EFCAB13: variants seen among roughly 807,000 people sequenced by gnomAD.
EFCAB13 encodes the protein EF-hand calcium-binding domain-containing protein 13.
Under a neutral mutation model 110.2 loss-of-function variants are expected in EFCAB13, and 91 were observed. The observed-to-expected ratio is 0.83, with a 90% CI of 0.70 to 0.98. The LOEUF (loss-of-function observed/expected upper bound fraction) is 0.98. Among genes scored for constraint, EFCAB13 ranks in the 50% least tolerant of loss-of-function variants. EFCAB13 has a pLI of 0.00. For missense variants in EFCAB13, 968 were observed against 1,119.4 expected, an observed-to-expected ratio of 0.86 and a Z score of 1.93; for synonymous variants, 323 against 369.9, an observed-to-expected ratio of 0.87 and a Z score of 1.45.
chr17:47,423,672 C>A, intron 23 of EFCAB13: 1 of 446,782 alleles, frequency 2.2e-6, no homozygotes, highest in Non-Finnish European at 3.6e-6. Flanking sequence ...CGCGCGGGGT[C>A]CGCACGACGT....
At chr17:47,432,020 C>G (rs962910229) in intron 24 of EFCAB13, among the ~76,000 whole-genome samples, 1 of 152,132 alleles carries the variant, frequency 6.6e-6, no homozygotes, top group Non-Finnish European at 1.5e-5. Flanking sequence ...CTTTGGAAGG[C>G]TGAGGCAGGC....
chr17:47,412,983 G>A lies in EFCAB13; in HGVS notation c.2422+67G>A, dbSNP rs1041300028. ...TACTTATGAAAAATAGTCTTAGAGT[G>A]TACCTATAAGGATAAGATGCTAATG... On this transcript the variant is annotated intron_variant, in intron 22 of 24. Transcript: ENST00000331493. 2.7e-6 allele frequency: 4 copies of A among 1,500,352 alleles called. No homozygotes were observed. In the South Asian group the frequency reaches 4.0e-5, roughly 15 times the overall value. The allele number at this position is 1,500,352 out of a possible 1,614,324, so 92.9% of individuals were successfully genotyped here. A position where few individuals can be genotyped will look rare whatever the true frequency, so the allele number is the denominator to read the frequency against.
At position 47,361,397 on chromosome 17, in the gene EFCAB13, G is replaced by A. The variant is rs1358165580; in HGVS notation, c.681G>A (p.Lys227=). The change falls in exon 10 of 25, where the codon AAG becomes AAA. Residue 227 remains lysine, a synonymous_variant. Transcript: ENST00000331493. ...VDIDAFQDAL[K]IFCRIKGGRV... ...TTGCAGCATTCCAGGATGCCTTGAAGATTTTCTGTAGGATAAAAGGTGGTC... is the reference window on the plus strand; with the variant it reads ...TTGCAGCATTCCAGGATGCCTTGAAAATTTTCTGTAGGATAAAAGGTGGTC... The A allele has an allele frequency of 1.2e-6, 2 of 1,613,252 alleles. No individual in the cohort carries two copies. Among genetic ancestry groups the A allele is most frequent in the Non-Finnish European group, 1.7e-6 (2 of 1,179,568 alleles).
intron 5 of EFCAB13, among the ~76,000 whole-genome samples, chr17:47,336,788 G>C (rs2065353956): frequency 6.6e-6 from 1 of 151,768 alleles, no homozygotes; most frequent in Non-Finnish European, 1.5e-5. Context: ...GCATTGCCTG[G>C]TTGCCTTTTG....
intron 22 of EFCAB13, 124 bp from the exon 23 acceptor site, chr17:47,414,724 T>C: frequency 1.5e-6 from 1 of 676,422 alleles, no homozygotes; most frequent in South Asian, 1.7e-5. Flanking sequence ...ATAGTTTCAA[T>C]CATTTGAGAC....
At chr17:47,394,338 G>A (rs1469624590) in intron 16 of EFCAB13, among the ~76,000 whole-genome samples, 2 of 152,082 alleles carry the variant, frequency 1.3e-5, no homozygotes, top group South Asian at 2.1e-4. Flanking sequence ...TTTTTCATTA[G>A]CGCACTTATA....
intron 11 of EFCAB13, among the ~76,000 whole-genome samples, chr17:47,373,410 G>T (rs1422725824): frequency 6.6e-6 from 1 of 151,998 alleles, no homozygotes; most frequent in Non-Finnish European, 1.5e-5. Context: ...TTTGAATTCT[G>T]TCAGGAAGTT....
intron 14 of EFCAB13, among the ~76,000 whole-genome samples, chr17:47,380,880 CTTT>C (rs751480738): frequency 1.7e-4 from 21 of 122,900 alleles, no homozygotes; most frequent in African/African-American, 6.1e-4. Flanking sequence ...ATTGCTTCTT[CTTT>C]TTTTTTTTTT....
chr17:47,352,258 T>C (rs1348917839), intron 9 of EFCAB13, among the ~76,000 whole-genome samples: 1 of 152,000 alleles, frequency 6.6e-6, no homozygotes, highest in Non-Finnish European at 1.5e-5. Context: ...CCATCTTGAG[T>C]TGATTTTGTA....
chr17:47,339,934 A>G (rs2065374388), intron 5 of EFCAB13: 1 of 152,164 alleles, frequency 6.6e-6, no homozygotes, highest in Non-Finnish European at 1.5e-5. Flanking sequence ...TTCCGGAGAT[A>G]AGGAAACTAT....
chr17:47,423,775 G>A (rs1193967501), intron 23 of EFCAB13, among the ~76,000 whole-genome samples: 1 of 151,660 alleles, frequency 6.6e-6, no homozygotes, highest in African/African-American at 2.4e-5. Flanking sequence ...AGCGGTGGTG[G>A]TCGGCCAGCG....
chr17:47,381,844 C>T (rs2065648798), intron 14 of EFCAB13, among the ~76,000 whole-genome samples: 2 of 152,132 alleles, frequency 1.3e-5, no homozygotes, highest in African/African-American at 4.8e-5. Flanking sequence ...TATACAGGCT[C>T]TTTTTTGGTT....
chr17:47,397,982 C>T (rs1178754291), intron 17 of EFCAB13, among the ~76,000 whole-genome samples: 19 of 147,914 alleles, frequency 1.3e-4, no homozygotes, highest in Non-Finnish European at 2.0e-4. Flanking sequence ...GTCAGCCCCC[C>T]GCCCGGCCAG....
chr17:47,411,485 A>G (rs371177129), intron 21 of EFCAB13, among the ~76,000 whole-genome samples: 3 of 151,978 alleles, frequency 2.0e-5, no homozygotes, highest in African/African-American at 7.3e-5. Context: ...TTGTGTGTGT[A>G]TTTTTCTCAT....
At chr17:47,390,910 G>GTCTA (rs1436843247) in intron 14 of EFCAB13, among the ~76,000 whole-genome samples, 7 of 106,576 alleles carry the variant, frequency 6.6e-5, no homozygotes, top group South Asian at 3.0e-4. Flanking sequence ...ATGTGTGTCT[G>GTCTA]TCTGTCTATC....
chr17:47,353,389 G>A lies in EFCAB13; in HGVS notation c.661+5438G>A, dbSNP rs145609517. Among the ~76,000 whole-genome samples, 1,324 of 151,918 alleles carry A rather than the reference G, an allele frequency of 8.7e-3. 20 individuals carry two copies. The highest frequency in any genetic ancestry group is 0.031 in the African/African-American group (1,269 of 41,402). On this transcript the variant is annotated intron_variant, in intron 9 of 24. Coordinates refer to ENST00000331493, the MANE Select transcript of EFCAB13 (RefSeq NM_152347.5). ...GGCTCACTGCAACCTCTGCCTCCCG[G>A]GTTCAAGGGATTCTCCTGCCTCAGC...
intron 9 of EFCAB13, among the ~76,000 whole-genome samples, chr17:47,359,520 T>TG (rs1200513578): frequency 6.6e-6 from 1 of 150,722 alleles, no homozygotes; most frequent in Non-Finnish European, 1.5e-5. Flanking sequence ...GAATTGTGTT[T>TG]TTTTTTTTTT....
chr17:47,440,806 A>T lies in EFCAB13; in HGVS notation c.*92A>T, dbSNP rs1034085571. On this transcript the variant is annotated 3_prime_UTR_variant, in exon 25 of 25. Coordinates refer to ENST00000331493, the MANE Select transcript of EFCAB13 (RefSeq NM_152347.5). ...CTGAAATTATTAGAAAATAATTTTT[A>T]AAACTTTTGACAAATCCAGTAGAAT... is the stretch of plus-strand genomic sequence containing the variant. The T allele has an allele frequency of 2.7e-6, 3 of 1,131,680 alleles. No homozygotes were observed. The highest frequency in any genetic ancestry group is 3.6e-6 in the Non-Finnish European group (3 of 830,490). The allele number at this position is 1,131,680 out of a possible 1,614,324, so 70.1% of individuals were successfully genotyped here.
intron 2 of EFCAB13, among the ~76,000 whole-genome samples, chr17:47,325,019 A>ACCCC (rs1218577348): frequency 4.2e-4 from 17 of 40,570 alleles, no homozygotes; most frequent in Non-Finnish European, 6.5e-4. Flanking sequence ...TTAACCGCCC[A>ACCCC]CCCCACCCCC....
Sources: gnomAD v4.1 joint callset for allele counts (sites outside exome capture counted in the v4.1 genomes callset) on GRCh38, gnomAD v4.1.1 for gene constraint, MANE v1.5 for transcripts, NCBI Gene and HGNC (gene_info 2026-07-23, HGNC 2026-07-21) for gene names.